The following CCDC148 variants were observed in gnomAD, a reference collection of about 807,000 sequenced individuals.
CCDC148 encodes the protein coiled-coil domain-containing protein 148.
A neutral mutation model predicts 85.7 loss-of-function variants in CCDC148; 89 were observed. The ratio of observed to expected loss-of-function variants is 1.04; its 90% CI spans 0.87 to 1.24. The LOEUF (loss-of-function observed/expected upper bound fraction) is 1.24. CCDC148 is among the 50% of genes most tolerant of loss of function. The pLI is 0.00. For missense variants in CCDC148, 692 were observed against 671.7 expected (o/e 1.03, Z -0.33); for synonymous variants, 230 against 213.9 (o/e 1.08, Z -0.66).
At chr2:158,334,546 T>G (rs1381203257) in intron 7 of CCDC148, among the ~76,000 whole-genome samples, 1 of 152,138 alleles carries the variant, frequency 6.6e-6, no homozygotes, top group Non-Finnish European at 1.5e-5. Flanking sequence ...TTTATCTCAT[T>G]CTTTTATGAT....
At chr2:158,377,359 A>C (rs1684697715) in intron 1 of CCDC148, among the ~76,000 whole-genome samples, 1 of 151,976 alleles carries the variant, frequency 6.6e-6, no homozygotes, top group African/African-American at 2.4e-5. Flanking sequence ...ATTTGGCTTT[A>C]AAAGTACCAT....
intron 1 of CCDC148, among the ~76,000 whole-genome samples, chr2:158,398,255 C>A (rs1685618678): frequency 6.6e-6 from 1 of 152,108 alleles, no homozygotes; most frequent in South Asian, 2.1e-4. Flanking sequence ...AGGACTTGAA[C>A]TCAGCTCTGG....
chr2:158,321,352 T>C (rs957588491), intron 7 of CCDC148, among the ~76,000 whole-genome samples: 11 of 152,088 alleles, frequency 7.2e-5, no homozygotes, highest in Admixed American at 3.3e-4. Context: ...ACCCAGGATG[T>C]TGGGTGAGGG....
At position 158,352,711 on chromosome 2, in the gene CCDC148, A is replaced by G. The variant is rs542845299; in HGVS notation, c.147+5738T>C. Among the ~76,000 whole-genome samples the G allele has an allele frequency of 1.3e-4, 20 of 151,830 alleles. No homozygotes were observed. The South Asian group carries it at 4.2e-3, about 32-fold the overall frequency. On this transcript the variant is annotated intron_variant, in intron 2 of 13. Transcript: ENST00000283233. Reference sequence around the variant, plus strand: ...GCAAGGCAGGCCAATGTTCAGATTCAGGAAATACAGAGAACGCCACAAAGA... The same window carrying G: ...GCAAGGCAGGCCAATGTTCAGATTCGGGAAATACAGAGAACGCCACAAAGA...
At position 158,268,429 on chromosome 2, in the gene CCDC148, C is replaced by A. The variant is rs529370997; in HGVS notation, c.1111-17517G>T. Among the ~76,000 whole-genome samples, 5 of 152,164 alleles carry A rather than the reference C, an allele frequency of 3.3e-5. No individual in the cohort carries two copies. In the South Asian group the frequency reaches 1.0e-3, roughly 32 times the overall value. ...TGTGTACCATCTCACGTCCTCTATA[C>A]CAAATTTTTAAAATTTTCCAGATTT... On this transcript the variant is annotated intron_variant, in intron 9 of 13. Coordinates refer to ENST00000283233, the MANE Select transcript of CCDC148 (RefSeq NM_138803.4).
rs551314026 is a variant in CCDC148, at chr2:158,236,662, A to C, written c.1251+14110T>G. ...AAAACACCTCATTTTACAACTAAGGAGGCAAAACCCACAGAGCCTACATAA... is the reference window on the plus strand; with the variant it reads ...AAAACACCTCATTTTACAACTAAGGCGGCAAAACCCACAGAGCCTACATAA... On this transcript the variant is annotated intron_variant, in intron 10 of 13. Transcript: ENST00000283233. 6.6e-5 allele frequency among the ~76,000 whole-genome samples: 10 copies of C among 152,278 alleles called. No individual in the cohort carries two copies. The South Asian group carries it at 2.1e-3, about 32-fold the overall frequency.
intron 9 of CCDC148, among the ~76,000 whole-genome samples, chr2:158,252,790 T>C (rs1392862525): frequency 6.6e-6 from 1 of 151,862 alleles, no homozygotes; most frequent in Non-Finnish European, 1.5e-5. Flanking sequence ...GTTCATTCTA[T>C]GTTTCTGACC....
At chr2:158,398,998 C>G (rs1357517198) in intron 1 of CCDC148, among the ~76,000 whole-genome samples, 7 of 152,140 alleles carry the variant, frequency 4.6e-5, no homozygotes, top group Non-Finnish European at 1.0e-4. Flanking sequence ...CTATAAACAC[C>G]TCTACGCAAA....
At chr2:158,277,887 T>A (rs1355913821) in intron 9 of CCDC148, among the ~76,000 whole-genome samples, 1 of 152,160 alleles carries the variant, frequency 6.6e-6, no homozygotes, top group Non-Finnish European at 1.5e-5. Context: ...TTCATTATTT[T>A]ATATACAAAG....
intron 1 of CCDC148, among the ~76,000 whole-genome samples, chr2:158,385,852 A>C (rs1685064227): frequency 6.6e-6 from 1 of 152,030 alleles, no homozygotes; most frequent in Admixed American, 6.6e-5. Context: ...CCCTGTTACC[A>C]TCTGTCTATG....
At chr2:158,409,065 T>G (rs373758325) in intron 1 of CCDC148, among the ~76,000 whole-genome samples, 115 of 152,132 alleles carry the variant, frequency 7.6e-4, no homozygotes, top group South Asian at 2.3e-3. Flanking sequence ...ATTTTATATA[T>G]AGAGAGAGAA....
At chr2:158,427,761 C>T (rs574733699) in intron 1 of CCDC148, among the ~76,000 whole-genome samples, 1 of 152,066 alleles carries the variant, frequency 6.6e-6, no homozygotes. Flanking sequence ...TCTCAGCTAC[C>T]TGGGAGGCCT....
chr2:158,183,317 T>C (rs553369157), intron 11 of CCDC148, among the ~76,000 whole-genome samples: 104 of 152,290 alleles, frequency 6.8e-4, no homozygotes, highest in African/African-American at 2.4e-3. Context: ...CATTTTAATG[T>C]GTGCACAGCA....
intron 10 of CCDC148, among the ~76,000 whole-genome samples, chr2:158,250,491 A>G (rs1688744752): frequency 6.8e-6 from 1 of 146,770 alleles, no homozygotes; most frequent in Admixed American, 6.9e-5. Flanking sequence ...ACAAGATTTA[A>G]CAACTGTCAC....
intron 7 of CCDC148, among the ~76,000 whole-genome samples, chr2:158,320,710 C>G (rs1574616257): frequency 6.6e-6 from 1 of 152,164 alleles, no homozygotes; most frequent in Admixed American, 6.5e-5. Context: ...TTTCTTCAAT[C>G]ATATTTATCC....
At chr2:158,244,049 C>T (rs1688463752) in intron 10 of CCDC148, among the ~76,000 whole-genome samples, 1 of 152,126 alleles carries the variant, frequency 6.6e-6, no homozygotes, top group Admixed American at 6.6e-5. Flanking sequence ...ACATTCATTA[C>T]TTCCTCCTCA....
At chr2:158,362,141 A>G (rs6751858) in intron 1 of CCDC148, among the ~76,000 whole-genome samples, 26,971 of 152,032 alleles carry the variant, frequency 0.18, 3,918 homozygotes, top group African/African-American at 0.4. Flanking sequence ...CTAAATATAT[A>G]TGCACCCAAT....
At chr2:158,299,403 C>G (rs970023310) in intron 9 of CCDC148, among the ~76,000 whole-genome samples, 1 of 152,160 alleles carries the variant, frequency 6.6e-6, no homozygotes, top group East Asian at 1.9e-4. Context: ...CTCTAGTATC[C>G]TGCCCCCAAA....
In CCDC148 at chr2:158,360,679, A is replaced by C. The variant is rs116631225; in HGVS notation, c.26-2109T>G. 7.4e-3 allele frequency among the ~76,000 whole-genome samples: 1,130 copies of C among 152,264 alleles called. 20 individuals carry two copies. Among genetic ancestry groups the C allele is most frequent in the African/African-American group, 0.026 (1,078 of 41,554 alleles). On this transcript the variant is annotated intron_variant, in intron 1 of 13. Transcript: ENST00000283233. The stretch of plus-strand genomic sequence containing the variant: ...GAAACCCCAGCCGAAGCTTACCAAC[A>C]TCAAAGACCAAAGATAGATAAATCC...
Sources: gnomAD v4.1 joint callset for allele counts (sites outside exome capture counted in the v4.1 genomes callset) on GRCh38, gnomAD v4.1.1 for gene constraint, MANE v1.5 for transcripts, NCBI Gene and HGNC (gene_info 2026-07-23, HGNC 2026-07-21) for gene names.